TENM3: variants seen among roughly 807,000 people sequenced by gnomAD.
TENM3 encodes the protein teneurin transmembrane protein 3, also known as teneurin-3.
A neutral mutation model predicts 255.1 loss-of-function variants in TENM3; 63 were observed. The observed-to-expected ratio is 0.25, with a 90% CI of 0.20 to 0.30. The LOEUF (loss-of-function observed/expected upper bound fraction) is 0.30. TENM3 is among the 10% of genes least tolerant of loss of function. The probability of loss-of-function intolerance (pLI) is 1.00; values close to 1 mark genes in which losing one functional copy is unlikely to be tolerated. For missense variants in TENM3, 2,929 were observed against 3,461.1 expected (o/e 0.85, Z 3.86); for synonymous variants, 1,306 against 1,322.3 (o/e 0.99, Z 0.27).
the TENM3 span, among the ~76,000 whole-genome samples, chr4:181,779,997 T>C: frequency 4.6e-5 from 7 of 152,240 alleles, no homozygotes; most frequent in Non-Finnish European, 1.0e-4. Context: ...TAGTATTCCA[T>C]GGTGTATATG....
chr4:182,130,828 A>G, the TENM3 span, among the ~76,000 whole-genome samples: 1 of 152,178 alleles, frequency 6.6e-6, no homozygotes, highest in Non-Finnish European at 1.5e-5. Flanking sequence ...CTGAACTAGA[A>G]GAAAATAATT....
At chr4:181,601,606 A>G in the TENM3 span, among the ~76,000 whole-genome samples, 2 of 152,186 alleles carry the variant, frequency 1.3e-5, no homozygotes, top group Non-Finnish European at 2.9e-5. Context: ...TTACTCATAA[A>G]GTTGAGTATT....
the TENM3 span, among the ~76,000 whole-genome samples, chr4:181,674,516 G>C: frequency 6.6e-6 from 1 of 152,164 alleles, no homozygotes; most frequent in African/African-American, 2.4e-5. Context: ...GCCTTATTAA[G>C]CTGCTATGCA....
chr4:181,826,104 A>C, the TENM3 span, among the ~76,000 whole-genome samples: 4,556 of 152,288 alleles, frequency 0.03, 230 homozygotes, highest in African/African-American at 0.1. Context: ...TAGTGGGTTT[A>C]TTTTGTAAAT....
At chr4:182,687,871 A>C (rs1361105226) in intron 11 of TENM3, among the ~76,000 whole-genome samples, 1 of 152,180 alleles carries the variant, frequency 6.6e-6, no homozygotes, top group Non-Finnish European at 1.5e-5. Flanking sequence ...TGTTTTCTAT[A>C]TAAAGTATTG....
the TENM3 span, among the ~76,000 whole-genome samples, chr4:181,979,820 G>C: frequency 6.6e-6 from 1 of 152,140 alleles, no homozygotes; most frequent in African/African-American, 2.4e-5. Flanking sequence ...TTCAAACTGA[G>C]GTGGTTTTCT....
chr4:182,534,442 G>A (rs1580855785), intron 3 of TENM3, among the ~76,000 whole-genome samples: 1 of 152,208 alleles, frequency 6.6e-6, no homozygotes, highest in Non-Finnish European at 1.5e-5. Flanking sequence ...GCAAGGCTGA[G>A]TAAGTAGAGA....
intron 1 of TENM3, among the ~76,000 whole-genome samples, chr4:182,229,411 G>C (rs1462681802): frequency 6.6e-6 from 1 of 152,094 alleles, no homozygotes; most frequent in African/African-American, 2.4e-5. Flanking sequence ...CTGTGGTCCC[G>C]AGTGGGGAAA....
chr4:182,159,722 G>A lies in TENM3; in HGVS notation c.-76+14968G>A, dbSNP rs183676139. Among the ~76,000 whole-genome samples the A allele has an allele frequency of 4.8e-3, 724 of 152,224 alleles. 7 individuals carry two copies. The highest frequency in any genetic ancestry group is 7.5e-3 in the Non-Finnish European group (511 of 68,022). On this transcript the variant is annotated intron_variant, in intron 1 of 2. Coordinates refer to the TENM3 transcript ENST00000512480. ...GGGAGCTGAGAGGCTGTTCCAGTCCGGCCCGTGGATGGCCGGAGAAGTGAC... is the reference window on the plus strand; with the variant it reads ...GGGAGCTGAGAGGCTGTTCCAGTCCAGCCCGTGGATGGCCGGAGAAGTGAC...
intron 3 of TENM3, among the ~76,000 whole-genome samples, chr4:182,528,396 C>T (rs768480172): frequency 2.0e-5 from 3 of 152,062 alleles, no homozygotes; most frequent in Non-Finnish European, 4.4e-5. Flanking sequence ...AGTGCCTGCT[C>T]CTAGAATCAG....
chr4:182,213,292 G>GA (rs1251915120), intron 1 of TENM3, among the ~76,000 whole-genome samples: 2 of 152,150 alleles, frequency 1.3e-5, no homozygotes, highest in East Asian at 3.9e-4. Flanking sequence ...ATATGTAAGT[G>GA]AAAAAACAGG....
chr4:182,497,124 G>A (rs1319495019), intron 3 of TENM3, among the ~76,000 whole-genome samples: 2 of 151,598 alleles, frequency 1.3e-5, no homozygotes, highest in Non-Finnish European at 2.9e-5. Flanking sequence ...CACGATCTCA[G>A]CTCACTGTAA....
chr4:182,068,383 T>TA, the TENM3 span, among the ~76,000 whole-genome samples: 10 of 137,570 alleles, frequency 7.3e-5, no homozygotes, highest in East Asian at 1.3e-3. Context: ...TTTTTAAAGT[T>TA]AAAAAAACAA....
At chr4:182,668,507 C>T (rs569547726) in intron 6 of TENM3, among the ~76,000 whole-genome samples, 12 of 152,092 alleles carry the variant, frequency 7.9e-5, no homozygotes, top group African/African-American at 2.7e-4. Flanking sequence ...GGTATTTTTT[C>T]GTTACGGGAG....
chr4:182,659,611 C>G (rs142051935), intron 6 of TENM3, among the ~76,000 whole-genome samples: 30 of 152,218 alleles, frequency 2.0e-4, no homozygotes, highest in African/African-American at 6.5e-4. Flanking sequence ...TCTCTCATCT[C>G]CCGTATTTAG....
the TENM3 span, among the ~76,000 whole-genome samples, chr4:181,540,435 C>G: frequency 6.6e-6 from 1 of 152,044 alleles, no homozygotes; most frequent in South Asian, 2.1e-4. Flanking sequence ...TCCTTAAGTG[C>G]GGCTGTGAAT....
chr4:182,371,238 C>CACAA (rs1766786240), intron 3 of TENM3, among the ~76,000 whole-genome samples: 2 of 149,908 alleles, frequency 1.3e-5, no homozygotes, highest in Non-Finnish European at 3.0e-5. Context: ...ATCACACACA[C>CACAA]ACACACACAC....
At chr4:181,635,917 G>T in the TENM3 span, among the ~76,000 whole-genome samples, 1 of 152,102 alleles carries the variant, frequency 6.6e-6, no homozygotes. Context: ...CAACTGGGGG[G>T]AAATTACATC....
At chr4:182,320,092 GAA>G (rs1384392679) in intron 1 of TENM3, among the ~76,000 whole-genome samples, 2 of 140,170 alleles carry the variant, frequency 1.4e-5, no homozygotes, top group African/African-American at 5.5e-5. Flanking sequence ...CAGCCTGAGT[GAA>G]AGAGTGAAAC....
Sources: allele counts gnomAD v4.1 joint callset (sites outside exome capture counted in the v4.1 genomes callset), GRCh38; gene constraint gnomAD v4.1.1; transcripts MANE v1.5; gene names NCBI Gene and HGNC (gene_info 2026-07-23, HGNC 2026-07-21).